Variants in UGT2A2 observed in about 807,000 individuals in gnomAD.
UGT2A2 encodes UDP glucuronosyltransferase family 2 member A2, also known as UDP-glucuronosyltransferase 2A2.
In UGT2A2, 60 loss-of-function variants were observed where a neutral mutation model predicts 50.7. The observed-to-expected ratio is 1.18, with a 90% CI of 0.96 to 1.47. The LOEUF (loss-of-function observed/expected upper bound fraction) is 1.47, where lower values mean the gene tolerates loss of function less well. UGT2A2 is among the 40% of genes most tolerant of loss of function. The pLI is 0.00. For missense variants in UGT2A2, 762 were observed against 634.0 expected (o/e 1.20, Z -2.17); for synonymous variants, 242 against 214.6 (o/e 1.13, Z -1.11).
At position 69,589,361 on chromosome 4, in the gene UGT2A2, T is replaced by A; in HGVS notation, c.*11A>T. ...AACTTAAAAATATATATATTTCCTC[T>A]TTTTCTTGACCTATTCTCTTTTTTT... On this transcript the variant is annotated 3_prime_UTR_variant, in exon 6 of 6. Transcript: ENST00000604629. 6.3e-7 allele frequency: 1 copy of A among 1,599,260 alleles called. No individual in the cohort carries two copies. The highest frequency in any genetic ancestry group is 8.5e-7 in the Non-Finnish European group (1 of 1,173,322).
At chr4:69,613,145 C>A (rs780920917) in intron 1 of UGT2A2, among the ~76,000 whole-genome samples, 7 of 151,862 alleles carry the variant, frequency 4.6e-5, no homozygotes, top group Non-Finnish European at 1.0e-4. Flanking sequence ...TATCACTAAT[C>A]ATCAGAGAAA....
At chr4:69,600,323 G>C (rs1332597271) in intron 1 of UGT2A2, among the ~76,000 whole-genome samples, 1 of 152,204 alleles carries the variant, frequency 6.6e-6, no homozygotes, top group East Asian at 1.9e-4. Context: ...AGCAGGGACA[G>C]AGAAAAGTCA....
chr4:69,620,291 G>C (rs200990191), intron 1 of UGT2A2, among the ~76,000 whole-genome samples: 1 of 147,974 alleles, frequency 6.8e-6, no homozygotes, highest in East Asian at 1.9e-4. Context: ...AAAGTTTCAG[G>C]AAAAAAAATC....
At chr4:69,620,221 T>C (rs536000638) in intron 1 of UGT2A2, among the ~76,000 whole-genome samples, 160 of 152,076 alleles carry the variant, frequency 1.1e-3, no homozygotes, top group Non-Finnish European at 1.1e-3. Context: ...CATGATTCTA[T>C]ATGTAGAAAA....
In UGT2A2 at chr4:69,639,033, G is replaced by C. The variant is rs185641136; in HGVS notation, c.608C>G (p.Pro203Arg). The C allele has an allele frequency of 6.2e-7, 1 of 1,613,194 alleles. No homozygotes were observed. The highest frequency in any genetic ancestry group is 1.3e-5 in the African/African-American group (1 of 74,954). Residue 203 changes from proline (P) to arginine (R), a missense_variant, in exon 1 of 6, where the codon CCG becomes CGG. Physicochemically the swap from Pro to Arg is moderately radical, Grantham distance 103. Coordinates refer to ENST00000604629, the MANE Select transcript of UGT2A2 (RefSeq NM_001105677.2). ...GTCAGTGAGCTCTGATAAGGCTGCCGGTACATAGGAGACTGGTGCTGGGAT... is the reference window on the plus strand; with the variant it reads ...GTCAGTGAGCTCTGATAAGGCTGCCCGTACATAGGAGACTGGTGCTGGGAT... ...GKIPAPVSYV[P>R]AALSELTDQM...
intron 1 of UGT2A2, among the ~76,000 whole-genome samples, chr4:69,615,192 C>G (rs1327746011): frequency 6.6e-6 from 1 of 151,920 alleles, no homozygotes; most frequent in Non-Finnish European, 1.5e-5. Context: ...ACACAAAAAT[C>G]AAATCACCCT....
At chr4:69,591,185 T>C (rs1312363388) in intron 5 of UGT2A2, among the ~76,000 whole-genome samples, 1 of 152,140 alleles carries the variant, frequency 6.6e-6, no homozygotes, top group Admixed American at 6.6e-5. Context: ...TGTAGCAAAA[T>C]ATGAGTGACC....
Position 69,605,071 on chromosome 4 carries a change from C to T in UGT2A2, c.743-5677G>A, listed in dbSNP as rs1424646384. Among the ~76,000 whole-genome samples, 2 of 136,616 alleles carry T rather than the reference C, an allele frequency of 1.5e-5. 1 individual carries two copies. The allele number at this position is 136,616 out of a possible 152,430, so 89.6% of individuals were successfully genotyped here. On this transcript the variant is annotated intron_variant, in intron 1 of 5. Coordinates refer to ENST00000604629, the MANE Select transcript of UGT2A2 (RefSeq NM_001105677.2). ...GAACTCAGCTCTGCACCAAGTAGACCTAATACACATCTACAGAATTATCCA... is the reference window on the plus strand; with the variant it reads ...GAACTCAGCTCTGCACCAAGTAGACTTAATACACATCTACAGAATTATCCA...
rs192088038 is a variant in UGT2A2, at chr4:69,604,696, C to T, written c.743-5302G>A. 1.6e-4 allele frequency among the ~76,000 whole-genome samples: 22 copies of T among 136,728 alleles called. 3 individuals are homozygous for T. Among genetic ancestry groups the T allele is most frequent in the Non-Finnish European group, 2.6e-4 (17 of 64,322 alleles). The allele number at this position is 136,728 out of a possible 152,430, so 89.7% of individuals were successfully genotyped here. On this transcript the variant is annotated intron_variant, in intron 1 of 5. Coordinates refer to ENST00000604629, the MANE Select transcript of UGT2A2 (RefSeq NM_001105677.2). ...AACCCATCTCACGTGAAGAGACACA[C>T]ATAGGCTCAAAATAAAGTGATGGAG...
chr4:69,620,231 AC>A (rs1286774620), intron 1 of UGT2A2, among the ~76,000 whole-genome samples: 1 of 151,968 alleles, frequency 6.6e-6, no homozygotes, highest in Non-Finnish European at 1.5e-5. Context: ...TATGTAGAAA[AC>A]CCCATAGTCT....
At chr4:69,596,850 T>A (rs577888397) in intron 2 of UGT2A2, among the ~76,000 whole-genome samples, 12 of 152,258 alleles carry the variant, frequency 7.9e-5, no homozygotes, top group Non-Finnish European at 1.8e-4. Context: ...AGGAAACACG[T>A]CTCTGAAATG....
At position 69,639,526 on chromosome 4, in the gene UGT2A2, C is replaced by T; in HGVS notation, c.115G>A (p.Gly39Ser). 6.2e-7 allele frequency: 1 copy of T among 1,613,210 alleles called. No individual in the cohort carries two copies. Among genetic ancestry groups the T allele is most frequent in the Non-Finnish European group, 8.5e-7 (1 of 1,179,530 alleles). The change falls in exon 1 of 6, where the codon GGT (glycine) becomes AGT (serine). Residue 39 changes from glycine to serine, a missense_variant. Transcript: ENST00000604629. Reference sequence around the variant, plus strand: ...ATCTTAATATTTAACCAATGGCTACCATCTGTAGGCCAAATTAACACATTC... The same window carrying T: ...ATCTTAATATTTAACCAATGGCTACTATCTGTAGGCCAAATTAACACATTC... ...SGNVLIWPTD[G>S]SHWLNIKIIL...
rs1422039774 is a variant in UGT2A2, at chr4:69,632,835, C to T, written c.742+6064G>A. ...CCCAGGAGGCGGGGGTTGCAGTGAGCCGAGATTGCGCCATTGCAATCCAGC... is the reference window on the plus strand; with the variant it reads ...CCCAGGAGGCGGGGGTTGCAGTGAGTCGAGATTGCGCCATTGCAATCCAGC... On this transcript the variant is annotated intron_variant, in intron 1 of 5. Transcript: ENST00000604629. Among the ~76,000 whole-genome samples the T allele has an allele frequency of 2.0e-5, 3 of 151,314 alleles. 1 individual carries two copies. Among genetic ancestry groups the T allele is most frequent in the Non-Finnish European group, 4.4e-5 (3 of 67,916 alleles).
In UGT2A2 at chr4:69,594,685, T is replaced by C; in HGVS notation, c.1123A>G (p.Thr375Ala). The C allele has an allele frequency of 1.2e-6, 2 of 1,613,432 alleles. No individual in the cohort carries two copies. Among genetic ancestry groups the C allele is most frequent in the South Asian group, 1.1e-5 (1 of 91,020 alleles). Residue 375 changes from threonine (T) to alanine (A), a missense_variant, in exon 5 of 6, where the codon ACC (threonine) becomes GCC (alanine). Thr to Ala is a moderately conservative substitution (Grantham distance 58). Transcript: ENST00000604629. Reference protein sequence around the residue: ...PQNDLLGHPKTKAFITHGGTN... With the variant: ...PQNDLLGHPKAKAFITHGGTN... ...CCACCATGAGTGATAAAAGCTTTGG[T>C]TTTGGGATGTCCTAATTTGAGGATG...
intron 3 of UGT2A2, 151 bp from the exon 4 acceptor site, chr4:69,595,400 T>TAC (rs1718864684): frequency 1.3e-6 from 1 of 795,508 alleles, no homozygotes; most frequent in African/African-American, 1.7e-5. Context: ...GTAGTAGGAC[T>TAC]GTTTATATGT....
chr4:69,618,221 T>TGTGTGTGTGTGTGTGTTTGTG (rs1720530663), intron 1 of UGT2A2, among the ~76,000 whole-genome samples: 4 of 144,640 alleles, frequency 2.8e-5, no homozygotes, highest in Non-Finnish European at 6.0e-5. Flanking sequence ...GTGTGTATGT[T>TGTGTGTGTGTGTGTGTTTGTG]TGTGTGTGTG....
At chr4:69,609,802 A>G (rs575328915) in intron 1 of UGT2A2, among the ~76,000 whole-genome samples, 99 of 152,312 alleles carry the variant, frequency 6.5e-4, no homozygotes, top group Middle Eastern at 6.8e-3. Context: ...TGCATTCCAC[A>G]AAAAAATTAC....
At chr4:69,592,031 G>A (rs1160516385) in intron 5 of UGT2A2, among the ~76,000 whole-genome samples, 3 of 152,108 alleles carry the variant, frequency 2.0e-5, no homozygotes, top group African/African-American at 4.8e-5. Context: ...GACAACCAGG[G>A]CTGAGTCTTG....
intron 1 of UGT2A2, among the ~76,000 whole-genome samples, chr4:69,624,485 G>C (rs1273653271): frequency 1.3e-5 from 2 of 151,098 alleles, no homozygotes; most frequent in African/African-American, 4.8e-5. Flanking sequence ...TGTTTGAGTT[G>C]GGATTTATCA....
Sources: gnomAD v4.1 joint callset for allele counts (sites outside exome capture counted in the v4.1 genomes callset) on GRCh38, gnomAD v4.1.1 for gene constraint, MANE v1.5 for transcripts, NCBI Gene and HGNC (gene_info 2026-07-23, HGNC 2026-07-21) for gene names.